Variants in SPAG16 observed in about 807,000 individuals in gnomAD.
The protein encoded by SPAG16 is sperm associated antigen 16.
Under a neutral mutation model 80.4 loss-of-function variants are expected in SPAG16, and 86 were observed. The ratio of observed to expected loss-of-function variants is 1.07; its 90% CI spans 0.90 to 1.28. The LOEUF (loss-of-function observed/expected upper bound fraction) is 1.28, where lower values mean the gene tolerates loss of function less well. SPAG16 is among the 50% of genes most tolerant of loss of function. The pLI, the probability that SPAG16 is intolerant of heterozygous loss-of-function variation, is 0.00. For missense variants in SPAG16, 870 were observed against 765.3 expected (o/e 1.14, Z -1.61); for synonymous variants, 294 against 265.9 (o/e 1.11, Z -1.03).
chr2:213,704,838 T>C (rs2125338976), intron 10 of SPAG16, among the ~76,000 whole-genome samples: 2 of 152,282 alleles, frequency 1.3e-5, no homozygotes, highest in South Asian at 2.1e-4. Context: ...GGTGACTCTA[T>C]TTGTAGTGCA....
chr2:214,386,688 C>T (rs898863676), intron 15 of SPAG16, among the ~76,000 whole-genome samples: 1 of 151,954 alleles, frequency 6.6e-6, no homozygotes, highest in African/African-American at 2.4e-5. Flanking sequence ...ATGGAGAAAC[C>T]CCATCCCTAC....
intron 10 of SPAG16, among the ~76,000 whole-genome samples, chr2:213,581,490 A>T (rs1038863615): frequency 2.0e-5 from 3 of 152,088 alleles, no homozygotes; most frequent in African/African-American, 7.2e-5. Context: ...TGCTAGGATT[A>T]TATTTATGGC....
chr2:213,337,838 C>T (rs145531868), intron 5 of SPAG16, among the ~76,000 whole-genome samples: 1 of 152,092 alleles, frequency 6.6e-6, no homozygotes, highest in Non-Finnish European at 1.5e-5. Flanking sequence ...CCTAGCAAGA[C>T]AGGCCAGTGT....
intron 13 of SPAG16, among the ~76,000 whole-genome samples, chr2:214,041,978 GTATATATATATATATATATATATA>G (rs1158447338): frequency 8.6e-6 from 1 of 116,362 alleles, no homozygotes; most frequent in Non-Finnish European, 1.8e-5. Flanking sequence ...GTCTGTGTGT[GTATATATATATATATATATATATA>G]TATATACACA....
intron 10 of SPAG16, among the ~76,000 whole-genome samples, chr2:213,534,342 G>A (rs1212924690): frequency 6.6e-6 from 1 of 151,914 alleles, no homozygotes; most frequent in Non-Finnish European, 1.5e-5. Context: ...TTCTCGAAAG[G>A]TTAAACACAC....
At chr2:214,194,068 G>C (rs529928948) in intron 15 of SPAG16, among the ~76,000 whole-genome samples, 4 of 152,148 alleles carry the variant, frequency 2.6e-5, no homozygotes, top group African/African-American at 9.6e-5. Context: ...TGCTAAACAT[G>C]ACTTGGACAA....
intron 12 of SPAG16, among the ~76,000 whole-genome samples, chr2:213,975,448 A>G (rs1218938517): frequency 6.6e-6 from 1 of 151,838 alleles, no homozygotes; most frequent in Non-Finnish European, 1.5e-5. Flanking sequence ...TAGGTCTAAG[A>G]TAATTTTAAT....
At chr2:214,332,825 A>G (rs755222988) in intron 15 of SPAG16, among the ~76,000 whole-genome samples, 9 of 152,140 alleles carry the variant, frequency 5.9e-5, no homozygotes, top group South Asian at 4.1e-4. Flanking sequence ...AGGAACTAAT[A>G]TAGGGGTTCT....
At chr2:213,697,766 C>G (rs1334984756) in intron 10 of SPAG16, among the ~76,000 whole-genome samples, 1 of 152,126 alleles carries the variant, frequency 6.6e-6, no homozygotes, top group Non-Finnish European at 1.5e-5. Context: ...TTTATCCTCT[C>G]TCTTCTTTCA....
At chr2:213,898,720 G>T (rs1268595275) in intron 11 of SPAG16, among the ~76,000 whole-genome samples, 1 of 152,098 alleles carries the variant, frequency 6.6e-6, no homozygotes, top group East Asian at 1.9e-4. Flanking sequence ...TGGTTTAAAT[G>T]AATAAATTTG....
chr2:213,616,338 C>G (rs1466668545), intron 10 of SPAG16, among the ~76,000 whole-genome samples: 2 of 152,242 alleles, frequency 1.3e-5, no homozygotes, highest in African/African-American at 4.8e-5. Flanking sequence ...GCACAGTTAA[C>G]TATTTCTTGT....
rs929732115 is a variant in SPAG16 at position 213,304,730 on chromosome 2, A to G, written c.280-5329A>G. Among the ~76,000 whole-genome samples, 4 of 152,038 alleles carry G rather than the reference A, an allele frequency of 2.6e-5. No individual in the cohort carries two copies. The South Asian group carries it at 8.3e-4, about 31-fold the overall frequency. On this transcript the variant is annotated intron_variant, in intron 3 of 15. Transcript: ENST00000331683. ...TCTGTGTGCTCTGTTCTGTTGGTCTATGTATCTGTTTTTATACTAGTACCA... is the reference window on the plus strand; with the variant it reads ...TCTGTGTGCTCTGTTCTGTTGGTCTGTGTATCTGTTTTTATACTAGTACCA...
intron 14 of SPAG16, among the ~76,000 whole-genome samples, chr2:214,108,479 A>ACACACACACACC (rs71409874): frequency 5.7e-5 from 3 of 52,414 alleles, no homozygotes; most frequent in South Asian, 4.3e-4. Context: ...ACACACACAC[A>ACACACACACACC]CCCCCACACA....
At chr2:213,610,870 T>A (rs748349962) in intron 10 of SPAG16, among the ~76,000 whole-genome samples, 1 of 152,244 alleles carries the variant, frequency 6.6e-6, no homozygotes, top group Admixed American at 6.5e-5. Flanking sequence ...AATATTATTA[T>A]CTTTAAAGTA....
intron 10 of SPAG16, among the ~76,000 whole-genome samples, chr2:213,786,991 G>A (rs2070383286): frequency 6.6e-6 from 1 of 152,058 alleles, no homozygotes; most frequent in Admixed American, 6.6e-5. Context: ...TAGTAAAATT[G>A]ATTACCAACA....
intron 14 of SPAG16, among the ~76,000 whole-genome samples, chr2:214,126,092 G>A (rs1329944077): frequency 1.1e-5 from 1 of 88,212 alleles, no homozygotes; most frequent in Non-Finnish European, 2.2e-5. Flanking sequence ...TGGCGTTTCT[G>A]TATAGCATTT....
At chr2:213,854,835 G>A (rs1428534047) in intron 10 of SPAG16, among the ~76,000 whole-genome samples, 2 of 152,248 alleles carry the variant, frequency 1.3e-5, no homozygotes, top group Admixed American at 6.5e-5. Flanking sequence ...AATGTTTAGG[G>A]ATCAGCAAAC....
chr2:213,586,197 C>G (rs1323978710), intron 10 of SPAG16, among the ~76,000 whole-genome samples: 2 of 152,120 alleles, frequency 1.3e-5, no homozygotes, highest in African/African-American at 4.8e-5. Context: ...CTATGATGAG[C>G]CAGTATCTTA....
chr2:214,398,403 T>C (rs1404950389), intron 15 of SPAG16, among the ~76,000 whole-genome samples: 1 of 152,250 alleles, frequency 6.6e-6, no homozygotes, highest in Admixed American at 6.5e-5. Flanking sequence ...TAATTGTACT[T>C]CCAACTTTGC....
Sources: gnomAD v4.1 joint callset for allele counts (sites outside exome capture counted in the v4.1 genomes callset) on GRCh38, gnomAD v4.1.1 for gene constraint, MANE v1.5 for transcripts, NCBI Gene and HGNC (gene_info 2026-07-23, HGNC 2026-07-21) for gene names.